The following PLEKHA7 variants were observed in gnomAD, a reference collection of about 807,000 sequenced individuals.
PLEKHA7 encodes the protein pleckstrin homology domain containing A7, also known as pleckstrin homology domain-containing family A member 7.
In PLEKHA7, 104 loss-of-function variants were observed where a neutral mutation model predicts 170.0. That is an observed-to-expected ratio of 0.61 (90% CI 0.52 to 0.72). The LOEUF (loss-of-function observed/expected upper bound fraction) is 0.72, where lower values mean the gene tolerates loss of function less well. Ranked by LOEUF, PLEKHA7 falls within the 30% of genes least tolerant of loss-of-function variation. PLEKHA7 has a pLI of 0.00. For missense variants in PLEKHA7, 1,615 were observed against 1,671.7 expected (o/e 0.97, Z 0.59); for synonymous variants, 648 against 660.8 (o/e 0.98, Z 0.30).
rs769596963 is a variant in PLEKHA7 at position 16,800,964 on chromosome 11, A to G, written c.2409+10T>C. 44 of 1,606,666 alleles carry G rather than the reference A, an allele frequency of 2.7e-5. No individual in the cohort carries two copies. Among genetic ancestry groups the G allele is most frequent in the Non-Finnish European group, 3.4e-5 (40 of 1,173,172 alleles). The stretch of plus-strand genomic sequence containing the variant: ...AAGAGCTCAGAAGAGATGGACAGGT[A>G]TCAGGTCACCTGGAAAAAAAAGGCT... On this transcript the variant is annotated intron_variant, in intron 17 of 26. Coordinates refer to ENST00000531066, the MANE Select transcript of PLEKHA7 (RefSeq NM_001329630.2).
rs1010237343 is a variant in PLEKHA7 at position 16,966,130 on chromosome 11, C to G, written c.221+47859G>C. 2.0e-5 allele frequency among the ~76,000 whole-genome samples: 3 copies of G among 152,170 alleles called. No homozygotes were observed. In the East Asian group the frequency reaches 5.8e-4, roughly 29 times the overall value. ...CTCAGGAGGTGGGGGTTGCAGTGAGCTGAGATCGCACCATTGCACTCCAGC... is the reference window on the plus strand; with the variant it reads ...CTCAGGAGGTGGGGGTTGCAGTGAGGTGAGATCGCACCATTGCACTCCAGC... On this transcript the variant is annotated intron_variant, in intron 3 of 26. Coordinates refer to ENST00000531066, the MANE Select transcript of PLEKHA7 (RefSeq NM_001329630.2).
chr11:16,790,785 G>A lies in PLEKHA7; in HGVS notation c.3052+13C>T, dbSNP rs1484229287. On this transcript the variant is annotated intron_variant, in intron 21 of 26. Transcript: ENST00000531066. ...GGATTCCCAGAGAAACTCCAGGGAGGGCCCTGCCTTACCTCTGCCTGGCAG... is the reference window on the plus strand; with the variant it reads ...GGATTCCCAGAGAAACTCCAGGGAGAGCCCTGCCTTACCTCTGCCTGGCAG... 2 of 1,605,474 alleles carry A rather than the reference G, an allele frequency of 1.2e-6. No individual in the cohort carries two copies. Among genetic ancestry groups the A allele is most frequent in the African/African-American group, 1.3e-5 (1 of 74,756 alleles).
chr11:16,995,442 A>G (rs1471390812), intron 3 of PLEKHA7, among the ~76,000 whole-genome samples: 1 of 152,016 alleles, frequency 6.6e-6, no homozygotes, highest in African/African-American at 2.4e-5. Context: ...TCCCCGCCCA[A>G]TCCCAGTTCA....
chr11:16,892,424 GTGTGTGTGTGTTTTGTTTTGTTT>G (rs1856688243), intron 3 of PLEKHA7, among the ~76,000 whole-genome samples: 1 of 109,942 alleles, frequency 9.1e-6, no homozygotes, highest in African/African-American at 3.2e-5. Context: ...GTGTGTGTGT[GTGTGTGTGTGTTTTGTTTTGTTT>G]TGTTTTGTTT....
rs1847853702 is a variant in PLEKHA7 at position 16,791,510 on chromosome 11, T to C, written c.2746-311A>G. 1.8e-6 allele frequency: 1 copy of C among 558,250 alleles called. No homozygotes were observed. Among genetic ancestry groups the C allele is most frequent in the African/African-American group, 1.9e-5 (1 of 54,036 alleles). 34.6% of individuals were successfully genotyped at this position (558,250 alleles called of 1,614,324 possible). A position where few individuals can be genotyped will look rare whatever the true frequency, so the allele number is the denominator to read the frequency against. ...CTCGGTGCTGTGCTGAACTGCTCCC[T>C]CCGCTCATCTGGAGTGCACATCGCA... On this transcript the variant is annotated intron_variant, in intron 19 of 26. Coordinates refer to ENST00000531066, the MANE Select transcript of PLEKHA7 (RefSeq NM_001329630.2). The surrounding 1 kb of genome is among the most constrained non-coding windows in gnomAD (Gnocchi z 4.5).
intron 17 of PLEKHA7, among the ~76,000 whole-genome samples, chr11:16,795,522 T>C (rs1590144403): frequency 6.6e-6 from 1 of 152,170 alleles, no homozygotes; most frequent in Non-Finnish European, 1.5e-5. Flanking sequence ...TCGGGTGCAA[T>C]GGCTCTTGTC....
intron 13 of PLEKHA7, 98 bp from the exon 14 acceptor site, chr11:16,803,393 T>C: frequency 7.9e-7 from 1 of 1,258,146 alleles, no homozygotes; most frequent in Non-Finnish European, 1.1e-6. Flanking sequence ...TGGAAGTCCT[T>C]GGCAGTGGCA....
At chr11:16,869,002 C>T (rs1565043846) in intron 4 of PLEKHA7, among the ~76,000 whole-genome samples, 1 of 152,144 alleles carries the variant, frequency 6.6e-6, no homozygotes, top group African/African-American at 2.4e-5. Context: ...ACTCTCCATC[C>T]AGACTTAATA....
At position 16,936,401 on chromosome 11, in the gene PLEKHA7, C is replaced by CAAAAAAAA. The variant is rs57104068; in HGVS notation, c.222-65227_222-65220dup. Among the ~76,000 whole-genome samples the CAAAAAAAA allele has an allele frequency of 7.2e-3, 488 of 68,076 alleles. 40 individuals are homozygous for CAAAAAAAA. The highest frequency in any genetic ancestry group is 0.013 in the African/African-American group (253 of 18,856). 44.7% of individuals were successfully genotyped at this position (68,076 alleles called of 152,430 possible). A position where few individuals can be genotyped will look rare whatever the true frequency, so the allele number is the denominator to read the frequency against. ...TGGGAAATAGCGTGAGACTCTGTCT[C>CAAAAAAAA]AAAAAAAAAAAAAAAAAAAAAAAAA... On this transcript the variant is annotated intron_variant, in intron 3 of 26. Coordinates refer to ENST00000531066, the MANE Select transcript of PLEKHA7 (RefSeq NM_001329630.2).
At chr11:16,995,868 G>A (rs12808675) in intron 3 of PLEKHA7, among the ~76,000 whole-genome samples, 52,533 of 152,046 alleles carry the variant, frequency 0.35, 9,752 homozygotes, top group Middle Eastern at 0.43. Flanking sequence ...AAAACCACAC[G>A]TAAAATTGGA....
chr11:16,886,714 A>G (rs76331726), intron 3 of PLEKHA7, among the ~76,000 whole-genome samples: 2 of 151,490 alleles, frequency 1.3e-5, no homozygotes. Flanking sequence ...CTGTCTCAAA[A>G]AAAAAAAAAA....
chr11:17,011,900 T>C (rs1188228686), intron 3 of PLEKHA7, among the ~76,000 whole-genome samples: 1 of 152,226 alleles, frequency 6.6e-6, no homozygotes, highest in African/African-American at 2.4e-5. Context: ...ACGATATGAA[T>C]GCTATCCACT....
chr11:16,944,756 T>G (rs1032177515), intron 3 of PLEKHA7, among the ~76,000 whole-genome samples: 24 of 152,200 alleles, frequency 1.6e-4, no homozygotes, highest in Admixed American at 2.6e-4. Flanking sequence ...TCAGTGACTT[T>G]GCTCCAAGAA....
intron 3 of PLEKHA7, among the ~76,000 whole-genome samples, chr11:16,968,370 C>A (rs1862501485): frequency 6.6e-6 from 1 of 152,214 alleles, no homozygotes; most frequent in African/African-American, 2.4e-5. Flanking sequence ...CAGCTCTACT[C>A]CTGCTCAACT....
chr11:16,836,023 T>C (rs1257076495), intron 9 of PLEKHA7, among the ~76,000 whole-genome samples: 3 of 152,236 alleles, frequency 2.0e-5, no homozygotes, highest in Non-Finnish European at 4.4e-5. Flanking sequence ...TTCAGGCCTC[T>C]GCAATCAGCA....
intron 3 of PLEKHA7, among the ~76,000 whole-genome samples, chr11:16,940,592 T>C (rs528693107): frequency 1.3e-5 from 2 of 151,972 alleles, no homozygotes; most frequent in South Asian, 4.2e-4. Flanking sequence ...CTGGCCTCTT[T>C]TGTTTTTCTC....
chr11:16,963,556 G>A (rs1045148813), intron 3 of PLEKHA7, among the ~76,000 whole-genome samples: 36 of 152,266 alleles, frequency 2.4e-4, no homozygotes, highest in Non-Finnish European at 2.4e-4. Flanking sequence ...CTGCAACACT[G>A]GAGCTGTCGT....
rs1474140433 is a variant in PLEKHA7, at chr11:16,826,145, T to C, written c.1318A>G (p.Arg440Gly). ...SNLAQVEHWA[R>G]AQKGDSRSLP... ...CTCCTGCTATCCCCTTTCTGGGCCC[T>C]TGCCCAGTGCTCCACCTGGGCCAGA... Residue 440 changes from arginine (R) to glycine (G), a missense_variant, in exon 10 of 27, where the codon AGG (arginine) becomes GGG (glycine). By Grantham distance (125) the Arg-to-Gly change is moderately radical. Transcript: ENST00000531066. The C allele has an allele frequency of 1.2e-5, 20 of 1,613,686 alleles. No individual in the cohort carries two copies. The South Asian group carries it at 2.1e-4, about 17-fold the overall frequency.
chr11:16,919,447 G>A (rs1445089058), intron 3 of PLEKHA7, among the ~76,000 whole-genome samples: 1 of 152,108 alleles, frequency 6.6e-6, no homozygotes. Context: ...GAGACAGGCA[G>A]GAGGATCACT....
Sources: allele counts gnomAD v4.1 joint callset (sites outside exome capture counted in the v4.1 genomes callset), GRCh38; gene constraint gnomAD v4.1.1; non-coding constraint Gnocchi (gnomAD v3.1); transcripts MANE v1.5; gene names NCBI Gene and HGNC (gene_info 2026-07-23, HGNC 2026-07-21).